DNAJC16: variants seen among roughly 807,000 people sequenced by gnomAD.
The protein encoded by DNAJC16 is dnaJ homolog subfamily C member 16.
DNAJC16 carries 76 observed loss-of-function variants against 92.7 expected under a neutral mutation model. That is an observed-to-expected ratio of 0.82 (90% confidence interval 0.68 to 0.99). The LOEUF is 0.99. Among genes scored for constraint, DNAJC16 ranks in the 50% least tolerant of loss-of-function variants. DNAJC16 has a pLI of 0.00. For missense variants in DNAJC16, 869 were observed against 942.4 expected (o/e 0.92, Z 1.02); for synonymous variants, 328 against 358.7 (o/e 0.91, Z 0.97).
At chr1:15,537,155 A>G (rs1710812340) in intron 4 of DNAJC16, among the ~76,000 whole-genome samples, 1 of 152,146 alleles carries the variant, frequency 6.6e-6, no homozygotes. Context: ...CTGGCCCCAA[A>G]GCAGGTTTTT....
At position 15,571,407 on chromosome 1, in the gene DNAJC16, A is replaced by G. The variant is rs1421341224; in HGVS notation, c.*3230A>G. On this transcript the variant is annotated 3_prime_UTR_variant, in exon 15 of 15. Coordinates refer to ENST00000375847, the MANE Select transcript of DNAJC16 (RefSeq NM_015291.4). ...TAGAATTCTTTAAAAGCTGATGCCA[A>G]ACATCTTTACAGAGGAACTGTAGTT... The G allele has an allele frequency of 6.6e-6, 1 of 152,668 alleles. No homozygotes were observed. The highest frequency in any genetic ancestry group is 1.5e-5 in the Non-Finnish European group (1 of 68,050). The allele number at this position is 152,668 out of a possible 1,614,324, so 9.5% of individuals were successfully genotyped here.
intron 9 of DNAJC16, 73 bp from the exon 10 acceptor site, chr1:15,563,856 A>G: frequency 6.8e-7 from 1 of 1,469,354 alleles, no homozygotes; most frequent in East Asian, 2.3e-5. Context: ...TCAAAAAAAA[A>G]AAAAAAAGCA....
At chr1:15,536,405 C>A in intron 3 of DNAJC16, 70 bp from the exon 4 acceptor site, 1 of 1,292,070 alleles carries the variant, frequency 7.7e-7, no homozygotes, top group Non-Finnish European at 1.0e-6. Flanking sequence ...CTATGTCTTT[C>A]AAGCTGCTTA....
At chr1:15,553,486 G>A (rs376959496) in intron 7 of DNAJC16, among the ~76,000 whole-genome samples, 142 of 151,336 alleles carry the variant, frequency 9.4e-4, no homozygotes, top group East Asian at 4.7e-3. Flanking sequence ...CACCCATCTC[G>A]GCCTCCCAAA....
intron 14 of DNAJC16, 111 bp downstream of exon 14, chr1:15,567,380 A>G: frequency 8.7e-7 from 1 of 1,148,558 alleles, no homozygotes; most frequent in African/African-American, 1.5e-5. Context: ...CCATACAGCA[A>G]GATGCTGGCT....
intron 8 of DNAJC16, among the ~76,000 whole-genome samples, chr1:15,560,799 C>G (rs888973787): frequency 2.0e-5 from 3 of 152,136 alleles, no homozygotes; most frequent in African/African-American, 7.2e-5. Flanking sequence ...CACTGCCACC[C>G]TGGAACAAGC....
rs1638905188 is a variant in DNAJC16 at position 15,569,662 on chromosome 1, C to CA, written c.*1486dup. 1.5e-5 allele frequency: 2 copies of CA among 135,996 alleles called. No individual in the cohort carries two copies. The highest frequency in any genetic ancestry group is 4.6e-4 in the South Asian group (2 of 4,344). The allele number at this position is 135,996 out of a possible 1,614,324, so 8.4% of individuals were successfully genotyped here. On this transcript the variant is annotated 3_prime_UTR_variant, in exon 15 of 15. Transcript: ENST00000375847. ...TTTTTTTTTTTTTTAGTTGTTGAGA[C>CA]AGAGTTTCACTCTTGTTGCCCAGGC... is the stretch of plus-strand genomic sequence containing the variant.
chr1:15,567,090 T>C lies in DNAJC16; in HGVS notation c.1779-9T>C. The C allele has an allele frequency of 6.2e-7, 1 of 1,604,134 alleles. No individual in the cohort carries two copies. Among genetic ancestry groups the C allele is most frequent in the Non-Finnish European group, 8.5e-7 (1 of 1,171,668 alleles). ...GACAGCATCTTAACTCCTCAATATT[T>C]CTCCACAGCAAGATTCCTAAAAAAG... is the stretch of plus-strand genomic sequence containing the variant. On this transcript the variant is annotated splice_polypyrimidine_tract_variant and intron_variant, in intron 13 of 14. Coordinates refer to ENST00000375847, the MANE Select transcript of DNAJC16 (RefSeq NM_015291.4).
chr1:15,548,195 A>G (rs1638357189), intron 6 of DNAJC16, 75 bp from the exon 7 acceptor site: 1 of 1,493,688 alleles, frequency 6.7e-7, no homozygotes. Context: ...CAGTGATGTG[A>G]AAAAGCCCTA....
intron 3 of DNAJC16, among the ~76,000 whole-genome samples, chr1:15,535,411 A>G (rs985230496): frequency 6.6e-6 from 1 of 152,240 alleles, no homozygotes; most frequent in African/African-American, 2.4e-5. Context: ...ATGTTTCTCT[A>G]GTGAAAGAAG....
chr1:15,551,328 A>G (rs1638437931), intron 7 of DNAJC16, among the ~76,000 whole-genome samples: 1 of 152,248 alleles, frequency 6.6e-6, no homozygotes, highest in Non-Finnish European at 1.5e-5. Flanking sequence ...TGTCCTGAGG[A>G]CAAGTGCTTA....
At position 15,559,579 on chromosome 1, in the gene DNAJC16, T is replaced by C. The variant is rs61750325; in HGVS notation, c.1077T>C (p.Tyr359=). Residue 359 remains tyrosine, a synonymous_variant, in exon 8 of 15, where the codon TAT becomes TAC. Coordinates refer to ENST00000375847, the MANE Select transcript of DNAJC16 (RefSeq NM_015291.4). ...IIDDFITRNK[Y]LLAARLTSQK... ...ACGACTTCATCACCCGAAACAAATA[T>C]CTATTGGCAGCCAGGCTCACCAGCC... 1.1e-4 allele frequency: 174 copies of C among 1,614,014 alleles called. No homozygotes were observed. Among genetic ancestry groups the C allele is most frequent in the Non-Finnish European group, 1.4e-4 (168 of 1,180,028 alleles).
At chr1:15,546,964 A>G (rs1392764191) in intron 6 of DNAJC16, 93 bp downstream of exon 6, 11 of 936,414 alleles carry the variant, frequency 1.2e-5, no homozygotes, top group African/African-American at 2.1e-5. Context: ...GTTGGAACTT[A>G]TAGCCTATTT....
intron 2 of DNAJC16, among the ~76,000 whole-genome samples, chr1:15,532,462 A>C (rs760581116): frequency 6.6e-6 from 1 of 152,148 alleles, no homozygotes; most frequent in South Asian, 2.1e-4. Flanking sequence ...AATACAGCTG[A>C]AAGTGCTGTG....
At chr1:15,567,424 C>T (rs6682743) in intron 14 of DNAJC16, among the ~76,000 whole-genome samples, 155 bp downstream of exon 14, 3 of 152,192 alleles carry the variant, frequency 2.0e-5, no homozygotes, top group Non-Finnish European at 2.9e-5. Context: ...TGAGCCATTG[C>T]GACAGGGACC....
At position 15,562,310 on chromosome 1, in the gene DNAJC16, T is replaced by C; in HGVS notation, c.1323T>C (p.Phe441=). The C allele has an allele frequency of 6.2e-7, 1 of 1,613,238 alleles. No homozygotes were observed. The highest frequency in any genetic ancestry group is 8.5e-7 in the Non-Finnish European group (1 of 1,179,362). ...CCTTACTACCAGACAGTGAGGCGTT[T>C]CAAGGGAAATCAGCGGTAAGCCACA... is the stretch of plus-strand genomic sequence containing the variant. ...ADTLLPDSEA[F]QGKSAVSILE... Residue 441 remains phenylalanine (F), a synonymous_variant, in exon 9 of 15, where the codon TTT becomes TTC. Coordinates refer to ENST00000375847, the MANE Select transcript of DNAJC16 (RefSeq NM_015291.4).
rs1638759973 is a variant in DNAJC16, at chr1:15,564,270, T to C, written c.1522-13T>C. On this transcript the variant is annotated splice_polypyrimidine_tract_variant and intron_variant, in intron 10 of 14. Coordinates refer to ENST00000375847, the MANE Select transcript of DNAJC16 (RefSeq NM_015291.4). Reference sequence around the variant, plus strand: ...CTTTAGTCCTGACCATCATCCATTTTCTCTCTACATAGGTTTTTCTCCTTC... The same window carrying C: ...CTTTAGTCCTGACCATCATCCATTTCCTCTCTACATAGGTTTTTCTCCTTC... The C allele has an allele frequency of 6.3e-7, 1 of 1,587,964 alleles. No homozygotes were observed. Among genetic ancestry groups the C allele is most frequent in the Admixed American group, 1.7e-5 (1 of 59,966 alleles).
intron 2 of DNAJC16, among the ~76,000 whole-genome samples, chr1:15,531,913 C>CTA (rs1710670313): frequency 6.6e-6 from 1 of 152,200 alleles, no homozygotes; most frequent in Non-Finnish European, 1.5e-5. Flanking sequence ...TCAGAATGAG[C>CTA]TATAGCAGGG....
intron 4 of DNAJC16, among the ~76,000 whole-genome samples, chr1:15,538,421 G>C (rs570805062): frequency 6.6e-5 from 10 of 150,928 alleles, no homozygotes; most frequent in Non-Finnish European, 1.5e-4. Context: ...AAGAAAAAAA[G>C]GAAGACTAAT....
Sources: allele counts gnomAD v4.1 joint callset (sites outside exome capture counted in the v4.1 genomes callset), GRCh38; gene constraint gnomAD v4.1.1; transcripts MANE v1.5; gene names NCBI Gene and HGNC (gene_info 2026-07-23, HGNC 2026-07-21).